Variants in ACAP2 observed in about 807,000 individuals in gnomAD.
ACAP2 encodes the protein ArfGAP with coiled-coil, ankyrin repeat and PH domains 2.
In ACAP2, 39 loss-of-function variants were observed where a neutral mutation model predicts 115.8. The ratio of observed to expected loss-of-function variants is 0.34; its 90% confidence interval spans 0.26 to 0.44. The LOEUF is 0.44. Among genes scored for constraint, ACAP2 ranks in the 20% least tolerant of loss-of-function variants. The pLI, the probability that ACAP2 is intolerant of heterozygous loss-of-function variation, is 1.00. For missense variants in ACAP2, 662 were observed against 927.6 expected (o/e 0.71, Z 3.72); for synonymous variants, 289 against 315.8 (o/e 0.92, Z 0.90).
intron 4 of ACAP2, among the ~76,000 whole-genome samples, chr3:195,355,258 C>A (rs1030258256): frequency 1.3e-5 from 2 of 149,968 alleles, no homozygotes; most frequent in Non-Finnish European, 2.9e-5. Context: ...AGCTATCTAA[C>A]AGCTAATTCT....
At chr3:195,307,102 A>G (rs1728474534) in intron 12 of ACAP2, 121 bp downstream of exon 12, 3 of 674,964 alleles carry the variant, frequency 4.4e-6, no homozygotes, top group Non-Finnish European at 7.4e-6. Context: ...AATTATTTTT[A>G]AAACTTTTTT....
intron 9 of ACAP2, among the ~76,000 whole-genome samples, chr3:195,325,981 AT>A (rs748497575): frequency 2.2e-4 from 33 of 152,044 alleles, no homozygotes; most frequent in Admixed American, 3.9e-4. Flanking sequence ...TCCTTTAATT[AT>A]TTTTCTTTGA....
At position 195,350,435 on chromosome 3, in the gene ACAP2, C is replaced by G. The variant is rs1231544492; in HGVS notation, c.286-5118G>C. Among the ~76,000 whole-genome samples the G allele has an allele frequency of 2.0e-5, 3 of 151,772 alleles. No individual in the cohort carries two copies. The East Asian group carries it at 5.8e-4, about 29-fold the overall frequency. ...AACAGTTTGAGAGGATCACTTGAGCCCAGGAGTTGGAGACCAGCCTTGGCA... is the reference window on the plus strand; with the variant it reads ...AACAGTTTGAGAGGATCACTTGAGCGCAGGAGTTGGAGACCAGCCTTGGCA... On this transcript the variant is annotated intron_variant, in intron 4 of 22. Coordinates refer to ENST00000326793, the MANE Select transcript of ACAP2 (RefSeq NM_012287.6).
intron 15 of ACAP2, among the ~76,000 whole-genome samples, chr3:195,297,667 T>C (rs977848857): frequency 6.6e-6 from 1 of 152,240 alleles, no homozygotes; most frequent in African/African-American, 2.4e-5. Flanking sequence ...TAGCCAGTGT[T>C]AGGACAGTAA....
At chr3:195,399,969 G>A (rs1480262300) in intron 1 of ACAP2, among the ~76,000 whole-genome samples, 3 of 151,846 alleles carry the variant, frequency 2.0e-5, no homozygotes, top group Non-Finnish European at 4.4e-5. Flanking sequence ...ACCTGAGGTT[G>A]GGAGTTCGAG....
At chr3:195,382,151 C>G (rs950686056) in intron 2 of ACAP2, 129 bp from the exon 3 acceptor site, 11 of 812,938 alleles carry the variant, frequency 1.4e-5, no homozygotes, top group Non-Finnish European at 2.1e-5. Context: ...AAACTCAAAA[C>G]AGACTAATTG....
intron 2 of ACAP2, 72 bp downstream of exon 2, chr3:195,392,018 T>G: frequency 1.7e-6 from 2 of 1,203,500 alleles, no homozygotes; most frequent in South Asian, 2.6e-5. Context: ...AGAGACCTAC[T>G]ACTGTAGGTA....
chr3:195,419,320 C>T (rs973547138), intron 1 of ACAP2: 1 of 152,202 alleles, frequency 6.6e-6, no homozygotes, highest in Non-Finnish European at 1.5e-5. Flanking sequence ...TTTCATTCAA[C>T]TGGAATTGCA....
chr3:195,355,351 T>C (rs2108680977), intron 4 of ACAP2, among the ~76,000 whole-genome samples: 1 of 151,594 alleles, frequency 6.6e-6, no homozygotes, highest in African/African-American at 2.4e-5. Flanking sequence ...AACTCTTTTC[T>C]ATATTAAACT....
chr3:195,301,699 G>GC (rs1728069715), intron 14 of ACAP2, 55 bp from the exon 15 acceptor site: 13 of 1,515,046 alleles, frequency 8.6e-6, no homozygotes, highest in Non-Finnish European at 1.2e-5. Context: ...GCGTATTTGC[G>GC]CAAGTTCTGT....
chr3:195,395,203 TAA>T (rs1250565043), intron 1 of ACAP2, among the ~76,000 whole-genome samples: 1 of 152,076 alleles, frequency 6.6e-6, no homozygotes, highest in Non-Finnish European at 1.5e-5. Flanking sequence ...TGCAAGGCAA[TAA>T]AGAGGCCAAA....
chr3:195,388,706 A>C (rs1009286948), intron 2 of ACAP2, among the ~76,000 whole-genome samples: 27 of 152,194 alleles, frequency 1.8e-4, no homozygotes, highest in African/African-American at 6.5e-4. Context: ...ATAGTTTCTA[A>C]AATAAAAATA....
chr3:195,286,494 G>A (rs1255039284), intron 21 of ACAP2, among the ~76,000 whole-genome samples: 3 of 152,142 alleles, frequency 2.0e-5, no homozygotes, highest in Non-Finnish European at 4.4e-5. Flanking sequence ...GGCAAATATT[G>A]TGTTTGGTAC....
At chr3:195,299,554 AAAG>A (rs1005547189) in intron 15 of ACAP2, among the ~76,000 whole-genome samples, 6 of 151,486 alleles carry the variant, frequency 4.0e-5, no homozygotes, top group African/African-American at 1.5e-4. Flanking sequence ...AAAAAAAAAA[AAAG>A]GCCGGGCGCG....
chr3:195,305,808 T>C (rs934247186), intron 13 of ACAP2, among the ~76,000 whole-genome samples: 1 of 151,938 alleles, frequency 6.6e-6, no homozygotes, highest in African/African-American at 2.4e-5. Flanking sequence ...TGGATCAAGT[T>C]AGTCGTCCCC....
At position 195,379,065 on chromosome 3, in the gene ACAP2, T is replaced by TA. The variant is rs1282294726; in HGVS notation, c.285+1943dup. Among the ~76,000 whole-genome samples the TA allele has an allele frequency of 2.0e-5, 3 of 151,744 alleles. No individual in the cohort carries two copies. The East Asian group carries it at 5.8e-4, about 29-fold the overall frequency. ...GTCAATTTACAGTCAATCACTTATATAAAAAAAAGAAAACTTTCTTATTAA... is the reference window on the plus strand; with the variant it reads ...GTCAATTTACAGTCAATCACTTATATAAAAAAAAAGAAAACTTTCTTATTAA... On this transcript the variant is annotated intron_variant, in intron 4 of 22. Coordinates refer to ENST00000326793, the MANE Select transcript of ACAP2 (RefSeq NM_012287.6).
chr3:195,403,059 G>C (rs1043877617), intron 1 of ACAP2, among the ~76,000 whole-genome samples: 12 of 152,138 alleles, frequency 7.9e-5, no homozygotes, highest in Non-Finnish European at 1.5e-4. Context: ...AGGGGAGAGA[G>C]GGACGGCTAC....
chr3:195,304,954 G>A (rs1404595348), intron 13 of ACAP2, among the ~76,000 whole-genome samples: 1 of 152,166 alleles, frequency 6.6e-6, no homozygotes, highest in Non-Finnish European at 1.5e-5. Flanking sequence ...ACTAACCCAG[G>A]AAGCTTGTGA....
chr3:195,344,667 T>C (rs1347906049), intron 5 of ACAP2, among the ~76,000 whole-genome samples: 1 of 152,104 alleles, frequency 6.6e-6, no homozygotes, highest in Admixed American at 6.6e-5. Context: ...ATTACAGGCA[T>C]GCACCACCCC....
Sources: gnomAD v4.1 joint callset for allele counts (sites outside exome capture counted in the v4.1 genomes callset) on GRCh38, gnomAD v4.1.1 for gene constraint, MANE v1.5 for transcripts, NCBI Gene and HGNC (gene_info 2026-07-23, HGNC 2026-07-21) for gene names.